Variants in NUDT6 observed in about 807,000 individuals in gnomAD.
The protein encoded by NUDT6 is nudix hydrolase 6, also known as FAD diphosphatase NUDT6.
Under a neutral mutation model 36.8 loss-of-function variants are expected in NUDT6, and 24 were observed. The observed-to-expected ratio is 0.65, with a 90% confidence interval of 0.47 to 0.92. The LOEUF (loss-of-function observed/expected upper bound fraction) is 0.92, where lower values mean the gene tolerates loss of function less well. Among genes scored for constraint, NUDT6 ranks in the 40% least tolerant of loss-of-function variants. NUDT6 has a pLI of 0.00. For synonymous variants in NUDT6, 163 were observed against 157.0 expected (o/e 1.04, Z -0.29); for missense variants, 388 against 392.8 (o/e 0.99, Z 0.10).
At chr4:122,896,548 C>CT (rs1560765057) in intron 4 of NUDT6, 1 of 152,138 alleles carries the variant, frequency 6.6e-6, no homozygotes, top group Non-Finnish European at 1.5e-5. Flanking sequence ...AAATGGCCTT[C>CT]TCTTTCAGCA....
intron 3 of NUDT6, among the ~76,000 whole-genome samples, chr4:122,900,496 C>T (rs758591430): frequency 1.3e-5 from 2 of 151,720 alleles, no homozygotes; most frequent in Non-Finnish European, 1.5e-5. Flanking sequence ...ATTTAAACTT[C>T]ACAATACTCC....
intron 1 of NUDT6, chr4:122,918,352 T>C (rs1296561012): frequency 6.6e-6 from 1 of 152,254 alleles, no homozygotes; most frequent in African/African-American, 2.4e-5. Context: ...CTACTTAAGA[T>C]TGAGCCAGGG....
At chr4:122,894,487 G>A (rs1242338070) in intron 4 of NUDT6, 1 of 152,194 alleles carries the variant, frequency 6.6e-6, no homozygotes, top group Admixed American at 6.5e-5. Context: ...GGAGGCTGAG[G>A]TGGGAGGGTT....
At chr4:122,897,442 A>C in intron 4 of NUDT6, 182 bp downstream of exon 4, 1 of 617,082 alleles carries the variant, frequency 1.6e-6, no homozygotes, top group Non-Finnish European at 2.9e-6. Flanking sequence ...TAATGGAATA[A>C]ACTGTAATAT....
intron 3 of NUDT6, among the ~76,000 whole-genome samples, chr4:122,903,259 T>G (rs1727559069): frequency 6.6e-6 from 1 of 152,154 alleles, no homozygotes; most frequent in Non-Finnish European, 1.5e-5. Context: ...AAATAAACTT[T>G]CTTATATAAT....
At chr4:122,909,306 T>C (rs1025489180) in intron 3 of NUDT6, among the ~76,000 whole-genome samples, 1 of 152,208 alleles carries the variant, frequency 6.6e-6, no homozygotes, top group East Asian at 1.9e-4. Flanking sequence ...ACTAGTTGCA[T>C]AATGTTGAAT....
Position 122,893,073 on chromosome 4 carries a change from TG to T in NUDT6, c.705del (p.Ile236Ter). The T allele has an allele frequency of 6.2e-7, 1 of 1,614,184 alleles. No homozygotes were observed. Among genetic ancestry groups the T allele is most frequent in the Non-Finnish European group, 8.5e-7 (1 of 1,180,032 alleles). On this transcript the variant is annotated frameshift_variant, in exon 5 of 5. Transcript: ENST00000304430. LOFTEE classifies it high-confidence loss of function. The stretch of plus-strand genomic sequence containing the variant: ...AAGCATTCTTCCTGGCAAAAATTTA[TG>T]GTGAATGAATATGGCTTTAGGCGGC... ...IICRLKPYSFTINFCQEECLR... is the reference protein window; with the variant it reads ...IICRLKPYSFXINFCQEECLR...
chr4:122,908,208 T>C (rs1363893212), intron 3 of NUDT6, among the ~76,000 whole-genome samples: 1 of 152,214 alleles, frequency 6.6e-6, no homozygotes, highest in Non-Finnish European at 1.5e-5. Flanking sequence ...CAACTGACCA[T>C]TATTATGTTA....
At chr4:122,922,662 C>G (rs1728119627), upstream of NUDT6, 1 of 1,126,440 alleles carries the variant, frequency 8.9e-7, no homozygotes. Flanking sequence ...AGAGTGCCAT[C>G]AATACCCTCA....
At chr4:122,913,867 T>C (rs1357322860) in intron 2 of NUDT6, among the ~76,000 whole-genome samples, 1 of 152,046 alleles carries the variant, frequency 6.6e-6, no homozygotes, top group Non-Finnish European at 1.5e-5. Flanking sequence ...GATGTTATGA[T>C]TTAAACATTA....
chr4:122,906,696 G>A (rs1410433753), intron 3 of NUDT6, among the ~76,000 whole-genome samples: 1 of 152,116 alleles, frequency 6.6e-6, no homozygotes, highest in African/African-American at 2.4e-5. Flanking sequence ...GAGACCTGCT[G>A]GGCTGCATTA....
chr4:122,918,463 G>A (rs1727897891), intron 1 of NUDT6: 1 of 152,258 alleles, frequency 6.6e-6, no homozygotes, highest in Admixed American at 6.5e-5. Flanking sequence ...ACTACCTTAA[G>A]TTTATGGGTG....
Sources: gnomAD v4.1 joint callset for allele counts (sites outside exome capture counted in the v4.1 genomes callset) on GRCh38, gnomAD v4.1.1 for gene constraint, MANE v1.5 for transcripts, NCBI Gene and HGNC (gene_info 2026-07-23, HGNC 2026-07-21) for gene names.